The following PCDH15 variants were observed in gnomAD, a reference collection of about 807,000 sequenced individuals.
PCDH15 encodes the protein protocadherin related 15, also known as protocadherin-15.
PCDH15 carries 129 observed loss-of-function variants against 178.5 expected under a neutral mutation model. That is an observed-to-expected ratio of 0.72 (90% confidence interval 0.63 to 0.84). PCDH15 has a LOEUF of 0.84. PCDH15 is among the 40% of genes least tolerant of loss of function. The probability of loss-of-function intolerance (pLI) is 0.00; values close to 1 mark genes in which losing one functional copy is unlikely to be tolerated. For missense variants in PCDH15, 2,230 were observed against 2,099.9 expected, an observed-to-expected ratio of 1.06 and a Z score of -1.21; for synonymous variants, 800 against 732.0, an observed-to-expected ratio of 1.09 and a Z score of -1.50.
intron 2 of PCDH15, among the ~76,000 whole-genome samples, chr10:54,598,207 T>A (rs2092337568): frequency 1.3e-5 from 2 of 152,096 alleles, no homozygotes; most frequent in Non-Finnish European, 2.9e-5. Context: ...ATATACTTGA[T>A]GAACTTTGAT....
intron 1 of PCDH15, among the ~76,000 whole-genome samples, chr10:55,294,706 T>C (rs913375353): frequency 6.6e-6 from 1 of 152,212 alleles, no homozygotes; most frequent in Non-Finnish European, 1.5e-5. Context: ...AATAAGCCTA[T>C]GAACATATTG....
chr10:53,992,014 G>C (rs2091530201), intron 21 of PCDH15, among the ~76,000 whole-genome samples: 4 of 152,072 alleles, frequency 2.6e-5, no homozygotes, highest in Admixed American at 2.6e-4. Flanking sequence ...AATAAATCTT[G>C]CTGCTGCTTA....
intron 2 of PCDH15, among the ~76,000 whole-genome samples, chr10:55,451,448 A>T (rs1352903252): frequency 6.6e-6 from 1 of 152,024 alleles, no homozygotes; most frequent in Non-Finnish European, 1.5e-5. Context: ...CAGTGAGCCG[A>T]GATCGCACCA....
chr10:54,224,125 A>G (rs1437039579), intron 9 of PCDH15, among the ~76,000 whole-genome samples: 2 of 152,308 alleles, frequency 1.3e-5, no homozygotes, highest in East Asian at 1.9e-4. Context: ...AAAAGAGAAC[A>G]CTGTCTTCTG....
chr10:55,402,710 T>C (rs1271847420), intron 2 of PCDH15, among the ~76,000 whole-genome samples: 1 of 152,026 alleles, frequency 6.6e-6, no homozygotes. Context: ...TATATTGTTT[T>C]TCCATTTATC....
chr10:54,786,730 C>T (rs762220978), intron 1 of PCDH15, among the ~76,000 whole-genome samples: 7 of 151,666 alleles, frequency 4.6e-5, no homozygotes, highest in African/African-American at 7.3e-5. Flanking sequence ...AATGACAAAC[C>T]GTAGTTTCTT....
chr10:54,428,981 G>T (rs1418850122), intron 3 of PCDH15, among the ~76,000 whole-genome samples: 5 of 152,208 alleles, frequency 3.3e-5, no homozygotes, highest in Middle Eastern at 3.4e-3. Flanking sequence ...ATTATCTGAG[G>T]ATACAAACCT....
intron 2 of PCDH15, among the ~76,000 whole-genome samples, chr10:55,036,613 G>C (rs1591849801): frequency 6.6e-6 from 1 of 152,042 alleles, no homozygotes; most frequent in Admixed American, 6.6e-5. Flanking sequence ...CTCAAGTTCT[G>C]TACTCTGAAA....
intron 2 of PCDH15, among the ~76,000 whole-genome samples, chr10:55,080,574 T>A (rs1205853108): frequency 6.6e-6 from 1 of 152,030 alleles, no homozygotes; most frequent in Non-Finnish European, 1.5e-5. Flanking sequence ...CATTATTTGG[T>A]CCCTGGCTGC....
chr10:55,297,016 A>G (rs545209305), intron 1 of PCDH15, among the ~76,000 whole-genome samples: 1 of 152,240 alleles, frequency 6.6e-6, no homozygotes, highest in South Asian at 2.1e-4. Context: ...TATTTTTTCA[A>G]TGAATATTAA....
intron 1 of PCDH15, among the ~76,000 whole-genome samples, chr10:55,310,075 C>A (rs1330216027): frequency 6.6e-6 from 1 of 152,028 alleles, no homozygotes; most frequent in Non-Finnish European, 1.5e-5. Flanking sequence ...TTGGAGCTTA[C>A]ACTAAATATC....
chr10:53,973,958 G>A (rs1053276260), intron 21 of PCDH15, among the ~76,000 whole-genome samples: 2 of 152,082 alleles, frequency 1.3e-5, no homozygotes, highest in South Asian at 4.1e-4. Context: ...AGCTGAAAAC[G>A]TTGCCAACAT....
At position 53,898,091 on chromosome 10, in the gene PCDH15, C is replaced by T. The variant is rs1354395348; in HGVS notation, c.3501+5152G>A. On this transcript the variant is annotated intron_variant, in intron 26 of 37. Coordinates refer to ENST00000644397, the MANE Select transcript of PCDH15 (RefSeq NM_001384140.1). ...ATGCCAATCTCCTGCCTCAGCCTCC[C>T]GAGTAGCTGGGACTACAGGTGCCCA... 2.1e-4 allele frequency among the ~76,000 whole-genome samples: 32 copies of T among 150,620 alleles called. 1 individual carries two copies. The highest frequency in any genetic ancestry group is 3.3e-3 in the Middle Eastern group (1 of 306).
At chr10:53,844,698 T>G (rs146089540) in intron 28 of PCDH15, among the ~76,000 whole-genome samples, 1 of 151,886 alleles carries the variant, frequency 6.6e-6, no homozygotes, top group Non-Finnish European at 1.5e-5. Context: ...AAAAATAGAT[T>G]CCCATCTTTT....
At chr10:54,303,537 T>C (rs1342293615) in intron 8 of PCDH15, among the ~76,000 whole-genome samples, 2 of 152,092 alleles carry the variant, frequency 1.3e-5, no homozygotes, top group African/African-American at 2.4e-5. Flanking sequence ...TCTAGAGTAA[T>C]GCAACTGAAA....
At chr10:54,656,906 G>A (rs992991890) in intron 2 of PCDH15, among the ~76,000 whole-genome samples, 2 of 152,212 alleles carry the variant, frequency 1.3e-5, no homozygotes, top group Non-Finnish European at 2.9e-5. Flanking sequence ...GGCTCTACCA[G>A]TTAAAGGCCA....
At chr10:53,851,319 T>C (rs1166188591) in intron 28 of PCDH15, among the ~76,000 whole-genome samples, 1 of 152,082 alleles carries the variant, frequency 6.6e-6, no homozygotes, top group Non-Finnish European at 1.5e-5. Flanking sequence ...TTAATATTGT[T>C]ATTTTATATG....
chr10:54,834,592 GAA>G (rs1455752023), intron 3 of PCDH15, among the ~76,000 whole-genome samples: 3 of 151,858 alleles, frequency 2.0e-5, no homozygotes, highest in Non-Finnish European at 4.4e-5. Context: ...GGAAAAAAAA[GAA>G]AGAAACAAGA....
At chr10:53,832,154 A>G (rs1305379035) in intron 29 of PCDH15, among the ~76,000 whole-genome samples, 1 of 152,028 alleles carries the variant, frequency 6.6e-6, no homozygotes, top group Admixed American at 6.6e-5. Flanking sequence ...TGCCTAGGAA[A>G]AAAAGACTAA....
Sources: gnomAD v4.1 joint callset for allele counts (sites outside exome capture counted in the v4.1 genomes callset) on GRCh38, gnomAD v4.1.1 for gene constraint, MANE v1.5 for transcripts, NCBI Gene and HGNC (gene_info 2026-07-23, HGNC 2026-07-21) for gene names.